CPQ: variants seen among roughly 807,000 people sequenced by gnomAD.
CPQ encodes the protein Ser-Met dipeptidase.
CPQ carries 37 observed loss-of-function variants against 45.7 expected under a neutral mutation model. That is an observed-to-expected ratio of 0.81 (90% CI 0.62 to 1.07). CPQ has a LOEUF of 1.07. Among genes scored for constraint, CPQ ranks in the 50% least tolerant of loss-of-function variants. The pLI is 0.00. For synonymous variants in CPQ, 186 were observed against 205.8 expected (o/e 0.90, Z 0.82); for missense variants, 537 against 572.9 (o/e 0.94, Z 0.64).
At chr8:97,046,661 T>C (rs999820754) in intron 6 of CPQ, among the ~76,000 whole-genome samples, 2 of 152,210 alleles carry the variant, frequency 1.3e-5, no homozygotes, top group Non-Finnish European at 2.9e-5. Context: ...CTCCCTCCCC[T>C]GTGAAATCAG....
intron 5 of CPQ, among the ~76,000 whole-genome samples, chr8:96,975,523 A>C (rs1203320070): frequency 7.0e-6 from 1 of 142,768 alleles, no homozygotes; most frequent in East Asian, 2.0e-4. Context: ...AGGACATAAC[A>C]AAAAAAAAAG....
chr8:96,683,477 G>A (rs548102589), intron 1 of CPQ, among the ~76,000 whole-genome samples: 2 of 152,126 alleles, frequency 1.3e-5, no homozygotes, highest in South Asian at 4.1e-4. Flanking sequence ...GCTTTTGGCA[G>A]TTTGCTTATA....
intron 6 of CPQ, among the ~76,000 whole-genome samples, chr8:97,042,349 T>C (rs1473504645): frequency 6.6e-6 from 1 of 152,098 alleles, no homozygotes; most frequent in African/African-American, 2.4e-5. Flanking sequence ...TATCATTTTT[T>C]ATTGTGTCTA....
At chr8:96,853,405 T>G (rs369808241) in intron 3 of CPQ, among the ~76,000 whole-genome samples, 19 of 152,258 alleles carry the variant, frequency 1.2e-4, no homozygotes, top group South Asian at 2.1e-4. Flanking sequence ...GACTGGTAAT[T>G]CATGTGACAT....
Position 96,760,073 on chromosome 8 carries a change from A to G in CPQ, c.-34-24791A>G, listed in dbSNP as rs529157038. Among the ~76,000 whole-genome samples the G allele has an allele frequency of 2.0e-5, 3 of 152,254 alleles. No homozygotes were observed. In the South Asian group the frequency reaches 6.2e-4, roughly 32 times the overall value. ...TCAGCCCTAGCCACGTGGGTCCCTC[A>G]TGGTTTTACTGGACTGAGCTATGAA... is the stretch of plus-strand genomic sequence containing the variant. On this transcript the variant is annotated intron_variant, in intron 1 of 7. Transcript: ENST00000220763.
At chr8:96,752,250 C>T (rs1810272298) in intron 1 of CPQ, among the ~76,000 whole-genome samples, 1 of 152,150 alleles carries the variant, frequency 6.6e-6, no homozygotes, top group African/African-American at 2.4e-5. Context: ...ATTGATTCCT[C>T]CTATCCATGA....
intron 5 of CPQ, among the ~76,000 whole-genome samples, chr8:96,973,557 C>T (rs573015662): frequency 3.6e-4 from 55 of 152,142 alleles, no homozygotes; most frequent in Non-Finnish European, 6.6e-4. Flanking sequence ...ATCACCTAGG[C>T]ACATAGTCAT....
At chr8:96,834,129 C>T (rs1366504345) in intron 2 of CPQ, among the ~76,000 whole-genome samples, 1 of 152,146 alleles carries the variant, frequency 6.6e-6, no homozygotes, top group Non-Finnish European at 1.5e-5. Context: ...TCTAACTACT[C>T]CATCAATTTG....
chr8:96,961,636 C>T (rs1247413779), intron 4 of CPQ, among the ~76,000 whole-genome samples: 2 of 152,132 alleles, frequency 1.3e-5, no homozygotes, highest in Non-Finnish European at 2.9e-5. Flanking sequence ...ATATTTTTCT[C>T]TGTTGCACTT....
chr8:96,867,773 A>G (rs890586875), intron 3 of CPQ, among the ~76,000 whole-genome samples: 5 of 152,068 alleles, frequency 3.3e-5, no homozygotes, highest in African/African-American at 1.2e-4. Context: ...TCTTCAAAAT[A>G]TGTTTTTAGT....
At chr8:96,738,616 C>T (rs954985485) in intron 1 of CPQ, among the ~76,000 whole-genome samples, 2 of 152,106 alleles carry the variant, frequency 1.3e-5, no homozygotes, top group Admixed American at 6.5e-5. Context: ...CCCACTCCCC[C>T]CAACCCACAA....
At chr8:96,884,223 C>T (rs537715552) in intron 4 of CPQ, among the ~76,000 whole-genome samples, 1 of 152,242 alleles carries the variant, frequency 6.6e-6, no homozygotes, top group East Asian at 1.9e-4. Context: ...TTATCACTGT[C>T]CTACAGTCAG....
intron 1 of CPQ, among the ~76,000 whole-genome samples, chr8:96,653,227 A>C (rs1015230155): frequency 1.3e-5 from 2 of 152,072 alleles, no homozygotes; most frequent in Non-Finnish European, 2.9e-5. Flanking sequence ...AGTGCCTAGT[A>C]CATTTGTCAT....
intron 1 of CPQ, among the ~76,000 whole-genome samples, chr8:96,763,316 A>G (rs560082766): frequency 1.2e-3 from 183 of 152,168 alleles, no homozygotes; most frequent in African/African-American, 4.0e-3. Flanking sequence ...TGGATATTCA[A>G]TTGTACTAGT....
intron 2 of CPQ, among the ~76,000 whole-genome samples, chr8:96,821,035 G>A (rs1278119789): frequency 6.6e-6 from 1 of 151,560 alleles, no homozygotes; most frequent in African/African-American, 2.4e-5. Flanking sequence ...GATGATTAGG[G>A]ATATTGAGCA....
chr8:96,929,508 T>C (rs901279163), intron 4 of CPQ, among the ~76,000 whole-genome samples: 4 of 152,186 alleles, frequency 2.6e-5, no homozygotes, highest in Admixed American at 6.6e-5. Flanking sequence ...TGCTGTGTGT[T>C]AGAGTGTGAT....
chr8:97,067,778 T>C (rs747410727), intron 7 of CPQ, among the ~76,000 whole-genome samples: 8 of 152,222 alleles, frequency 5.3e-5, no homozygotes, highest in Admixed American at 3.9e-4. Flanking sequence ...AACATTTCCA[T>C]TTACAATGCT....
intron 1 of CPQ, among the ~76,000 whole-genome samples, chr8:96,714,365 T>C (rs1809649509): frequency 6.6e-6 from 1 of 152,198 alleles, no homozygotes. Flanking sequence ...TTTTGTCTGA[T>C]TGGGTTAATT....
chr8:97,030,516 T>G lies in CPQ; in HGVS notation c.1053+1022T>G, dbSNP rs114997805. On this transcript the variant is annotated intron_variant, in intron 6 of 7. Transcript: ENST00000220763. ...ACCTATGCCCTACTCTTTCACCACT[T>G]TAGTTCTTTTGGCCTCAGGTGATCC... 4.7e-3 allele frequency among the ~76,000 whole-genome samples: 716 copies of G among 152,288 alleles called. 6 individuals are homozygous for G. Among genetic ancestry groups the G allele is most frequent in the African/African-American group, 0.017 (687 of 41,568 alleles).
Sources: gnomAD v4.1 joint callset for allele counts (sites outside exome capture counted in the v4.1 genomes callset) on GRCh38, gnomAD v4.1.1 for gene constraint, MANE v1.5 for transcripts, NCBI Gene and HGNC (gene_info 2026-07-23, HGNC 2026-07-21) for gene names.